LHFPL5: variants seen among roughly 807,000 people sequenced by gnomAD.
The protein encoded by LHFPL5 is LHFPL tetraspan subfamily member 5.
LHFPL5 carries 12 observed loss-of-function variants against 18.7 expected under a neutral mutation model. That is an observed-to-expected ratio of 0.64 (90% confidence interval 0.41 to 1.04). The LOEUF is 1.04. Among genes scored for constraint, LHFPL5 ranks in the 50% least tolerant of loss-of-function variants. The pLI, the probability that LHFPL5 is intolerant of heterozygous loss-of-function variation, is 0.00. For synonymous variants in LHFPL5, 111 were observed against 120.2 expected (o/e 0.92, Z 0.50); for missense variants, 259 against 292.1 (o/e 0.89, Z 0.83).
At chr6:35,818,979 G>A (rs1028135740) in intron 2 of LHFPL5, among the ~76,000 whole-genome samples, 1 of 152,072 alleles carries the variant, frequency 6.6e-6, no homozygotes, top group Non-Finnish European at 1.5e-5. Context: ...TTACAGGCAT[G>A]TGCCACCACA....
intron 1 of LHFPL5, 115 bp downstream of exon 1, chr6:35,806,197 GC>G: frequency 8.9e-7 from 1 of 1,119,958 alleles, no homozygotes; most frequent in Non-Finnish European, 1.3e-6. Flanking sequence ...TTCTCCTATA[GC>G]CCAGTCCTAC....
At chr6:35,818,344 TATA>T (rs1561955690) in intron 2 of LHFPL5, among the ~76,000 whole-genome samples, 4 of 6,848 alleles carry the variant, frequency 5.8e-4, no homozygotes, top group African/African-American at 1.3e-3. Flanking sequence ...TATATATATA[TATA>T]TGTATTTTTT....
chr6:35,808,178 C>G (rs1453270295), intron 1 of LHFPL5, among the ~76,000 whole-genome samples: 2 of 151,798 alleles, frequency 1.3e-5, no homozygotes, highest in Non-Finnish European at 2.9e-5. Context: ...GGGGCAGGCA[C>G]AGCGGCTCAT....
chr6:35,813,797 T>C (rs984267243), intron 1 of LHFPL5, among the ~76,000 whole-genome samples: 25 of 147,402 alleles, frequency 1.7e-4, no homozygotes, highest in African/African-American at 6.3e-4. Context: ...TTTTCCTTTT[T>C]TTTTTTTTTT....
In LHFPL5 at chr6:35,823,404, C is replaced by CATACATACACACACACATATAT. The variant is rs1768906556; in HGVS notation, c.*440_*441insTACATACACACACACATATATA. The CATACATACACACACACATATAT allele has an allele frequency of 1.4e-5, 2 of 145,898 alleles. No homozygotes were observed. Among genetic ancestry groups the CATACATACACACACACATATAT allele is most frequent in the South Asian group, 4.3e-4 (2 of 4,674 alleles). 9.0% of individuals were successfully genotyped at this position (145,898 alleles called of 1,614,324 possible). On this transcript the variant is annotated 3_prime_UTR_variant, in exon 4 of 4. Coordinates refer to ENST00000360215, the MANE Select transcript of LHFPL5 (RefSeq NM_182548.4). ...ACATATATATACACACACACACACA[C>CATACATACACACACACATATAT]ACACACACACACACACACACATACA...
chr6:35,806,270 C>T (rs964430493), intron 1 of LHFPL5, among the ~76,000 whole-genome samples, 188 bp downstream of exon 1: 1 of 152,144 alleles, frequency 6.6e-6, no homozygotes, highest in Non-Finnish European at 1.5e-5. Context: ...GCAGAAAAGA[C>T]CTTAGAGACC....
chr6:35,819,813 G>A (rs372926002), intron 3 of LHFPL5: 3 of 324,372 alleles, frequency 9.2e-6, no homozygotes, highest in East Asian at 1.4e-4. Flanking sequence ...GAGTAGCTGG[G>A]ATTACAGGTG....
At chr6:35,816,162 A>G (rs1242044685) in intron 2 of LHFPL5, among the ~76,000 whole-genome samples, 1 of 136,782 alleles carries the variant, frequency 7.3e-6, no homozygotes, top group Non-Finnish European at 1.5e-5. Flanking sequence ...TGGGTGACAG[A>G]GCGAGACTCC....
rs1389821363 is a variant in LHFPL5, at chr6:35,814,637, C to T, written c.504C>T (p.Tyr168=). ...RRMCGEQTGK[Y]TLGHCTIRWA... is the part of the protein sequence containing the mutation. ...TGTGTGGGGAGCAGACGGGCAAGTA[C>T]ACGCTGGGCCACTGCACCATCCGCT... Residue 168 remains tyrosine (Y), a synonymous_variant, in exon 2 of 4, where the codon TAC becomes TAT. Transcript: ENST00000360215. This position sits in a 1 kb window ranked among gnomAD's most constrained non-coding sequence, Gnocchi z 4.2. 6.2e-7 allele frequency: 1 copy of T among 1,614,178 alleles called. No individual in the cohort carries two copies. The highest frequency in any genetic ancestry group is 8.5e-7 in the Non-Finnish European group (1 of 1,180,036).
chr6:35,819,775 T>G, intron 3 of LHFPL5: 13 of 386,298 alleles, frequency 3.4e-5, no homozygotes, highest in South Asian at 3.3e-4. Flanking sequence ...CCTCCTGGGT[T>G]CAAGCCATTC....
At chr6:35,809,443 G>T (rs1456968615) in intron 1 of LHFPL5, among the ~76,000 whole-genome samples, 1 of 152,076 alleles carries the variant, frequency 6.6e-6, no homozygotes, top group Non-Finnish European at 1.5e-5. Context: ...TCCTCACATG[G>T]TGAAAAGAGG....
intron 1 of LHFPL5, among the ~76,000 whole-genome samples, chr6:35,810,063 C>T (rs1768637829): frequency 6.6e-6 from 1 of 152,222 alleles, no homozygotes; most frequent in South Asian, 2.1e-4. Flanking sequence ...GTTATACTCA[C>T]TCTACAGTGC....
intron 3 of LHFPL5, among the ~76,000 whole-genome samples, chr6:35,822,050 GT>G (rs947089174): frequency 6.7e-6 from 1 of 149,782 alleles, no homozygotes; most frequent in African/African-American, 2.5e-5. Flanking sequence ...TAATAATTTT[GT>G]TTTTTTTGTT....
intron 1 of LHFPL5, among the ~76,000 whole-genome samples, chr6:35,811,033 G>A (rs1004515777): frequency 1.3e-5 from 2 of 152,112 alleles, no homozygotes; most frequent in African/African-American, 2.4e-5. Context: ...CTCGCTAGTG[G>A]CATCAGTCAC....
intron 1 of LHFPL5, among the ~76,000 whole-genome samples, chr6:35,809,599 G>C (rs1299343549): frequency 1.3e-5 from 2 of 152,104 alleles, no homozygotes; most frequent in East Asian, 3.9e-4. Flanking sequence ...GACCTCCCAG[G>C]CTCAAGTGAT....
chr6:35,815,431 CT>C (rs1215110977), intron 2 of LHFPL5, among the ~76,000 whole-genome samples: 10 of 152,156 alleles, frequency 6.6e-5, no homozygotes, highest in African/African-American at 2.2e-4. Context: ...CCTTTTGCTT[CT>C]GTTTCTCATT....
At chr6:35,821,275 G>A (rs1381207388) in intron 3 of LHFPL5, among the ~76,000 whole-genome samples, 2 of 149,260 alleles carry the variant, frequency 1.3e-5, no homozygotes, top group South Asian at 4.3e-4. Flanking sequence ...CTGGACTCCA[G>A]CCTGGGAGAG....
At chr6:35,815,847 G>A (rs540515645) in intron 2 of LHFPL5, among the ~76,000 whole-genome samples, 5 of 152,280 alleles carry the variant, frequency 3.3e-5, no homozygotes, top group South Asian at 4.2e-4. Flanking sequence ...CTTTGGGGGT[G>A]AGAGAAGGAT....
At chr6:35,812,533 G>T (rs1424319548) in intron 1 of LHFPL5, among the ~76,000 whole-genome samples, 2 of 152,140 alleles carry the variant, frequency 1.3e-5, no homozygotes, top group Non-Finnish European at 2.9e-5. Flanking sequence ...GGAAGAAGTG[G>T]GGGGAAAGTG....
Sources: gnomAD v4.1 joint callset for allele counts (sites outside exome capture counted in the v4.1 genomes callset) on GRCh38, gnomAD v4.1.1 for gene constraint, Gnocchi (gnomAD v3.1) non-coding constraint, MANE v1.5 for transcripts, NCBI Gene and HGNC (gene_info 2026-07-23, HGNC 2026-07-21) for gene names.